The following TVP23B variants were observed in gnomAD, a reference collection of about 807,000 sequenced individuals.
The protein encoded by TVP23B is Golgi apparatus membrane protein TVP23 homolog B.
Under a neutral mutation model 30.6 loss-of-function variants are expected in TVP23B, and 10 were observed. The observed-to-expected ratio is 0.33, with a 90% confidence interval of 0.20 to 0.55. TVP23B has a LOEUF of 0.55. Ranked by LOEUF, TVP23B falls within the 20% of genes least tolerant of loss-of-function variation. The pLI, the probability that TVP23B is intolerant of heterozygous loss-of-function variation, is 0.91. For synonymous variants in TVP23B, 67 were observed against 83.1 expected (o/e 0.81, Z 1.06); for missense variants, 153 against 243.2 (o/e 0.63, Z 2.47).
chr17:18,790,231 G>A (rs1175796908), intron 2 of TVP23B, among the ~76,000 whole-genome samples: 3 of 152,132 alleles, frequency 2.0e-5, no homozygotes, highest in Non-Finnish European at 2.9e-5. Context: ...TTGGGAGGCC[G>A]AGGCAGGTGG....
intron 5 of TVP23B, chr17:18,799,156 T>A (rs2151850449): frequency 4.7e-6 from 1 of 211,790 alleles, no homozygotes; most frequent in South Asian, 1.3e-4. Flanking sequence ...GTTTTCTAGA[T>A]TATTAGTGGT....
intron 5 of TVP23B, among the ~76,000 whole-genome samples, chr17:18,801,749 C>T (rs1404601064): frequency 1.3e-5 from 2 of 151,896 alleles, no homozygotes; most frequent in Admixed American, 6.6e-5. Flanking sequence ...TTCCTTAAAA[C>T]AAAACAGGGA....
At chr17:18,784,258 C>T (rs1235048763) in intron 1 of TVP23B, among the ~76,000 whole-genome samples, 1 of 152,200 alleles carries the variant, frequency 6.6e-6, no homozygotes, top group Non-Finnish European at 1.5e-5. Context: ...TTTAATTCTT[C>T]CAGTCTCTCT....
intron 5 of TVP23B, among the ~76,000 whole-genome samples, chr17:18,801,101 A>G (rs953579765): frequency 1.2e-4 from 18 of 152,214 alleles, no homozygotes; most frequent in African/African-American, 3.9e-4. Context: ...AACAGTAACT[A>G]TTTTAAGTGC....
chr17:18,791,656 G>A (rs2035996379), intron 3 of TVP23B, among the ~76,000 whole-genome samples: 1 of 151,636 alleles, frequency 6.6e-6, no homozygotes, highest in African/African-American at 2.4e-5. Flanking sequence ...CACACAGGAC[G>A]GCCCCTCTGC....
chr17:18,802,401 C>G (rs1200436304), intron 5 of TVP23B, among the ~76,000 whole-genome samples: 3 of 152,162 alleles, frequency 2.0e-5, no homozygotes, highest in African/African-American at 7.2e-5. Context: ...GGTGGCACCA[C>G]TATGGCCAGC....
At chr17:18,783,435 T>C (rs1365747234) in intron 1 of TVP23B, among the ~76,000 whole-genome samples, 1 of 152,216 alleles carries the variant, frequency 6.6e-6, no homozygotes, top group African/African-American at 2.4e-5. Context: ...ATTTGTGACG[T>C]GAACCTCAGT....
chr17:18,803,018 G>C (rs1304940812), intron 5 of TVP23B, among the ~76,000 whole-genome samples: 2 of 152,192 alleles, frequency 1.3e-5, no homozygotes, highest in Non-Finnish European at 2.9e-5. Context: ...CTTTTACTAG[G>C]AATGTGAAAC....
At chr17:18,799,143 C>T (rs1217065606) in intron 5 of TVP23B, 200 bp downstream of exon 5, 1 of 322,494 alleles carries the variant, frequency 3.1e-6, no homozygotes, top group African/African-American at 2.5e-5. Context: ...CCCCTTCCCA[C>T]CAGTTTTCTA....
chr17:18,796,330 G>A (rs1161523985), intron 3 of TVP23B: 14 of 152,296 alleles, frequency 9.2e-5, no homozygotes, highest in African/African-American at 3.1e-4. Context: ...GAATCACTGA[G>A]GTTGGGAGTT....
In TVP23B at chr17:18,784,384, T is replaced by G. The variant is rs2035868575; in HGVS notation, c.12+3079T>G. 2.0e-5 allele frequency among the ~76,000 whole-genome samples: 3 copies of G among 151,928 alleles called. No individual in the cohort carries two copies. In the South Asian group the frequency reaches 6.2e-4, roughly 32 times the overall value. On this transcript the variant is annotated intron_variant, in intron 1 of 6. Coordinates refer to ENST00000307767, the MANE Select transcript of TVP23B (RefSeq NM_016078.6). ...TGGTCATGGCTGGGTGCAGGGCTCA[T>G]GGCTGTAATCCCAGCACTTTGGGAG...
At chr17:18,802,079 G>A (rs1033751113) in intron 5 of TVP23B, among the ~76,000 whole-genome samples, 25 of 151,974 alleles carry the variant, frequency 1.6e-4, no homozygotes, top group South Asian at 4.2e-4. Context: ...AAAATTAGCC[G>A]GGTGTGGTGG....
In TVP23B at chr17:18,802,853, A is replaced by C. The variant is rs138298290; in HGVS notation, c.463-1285A>C. On this transcript the variant is annotated intron_variant, in intron 5 of 6. Transcript: ENST00000307767. ...GCATGTTGATATATACATACCCAGC[A>C]GTGCCCCATTTGAGAAGCATGGGAA... Among the ~76,000 whole-genome samples, 380 of 152,284 alleles carry C rather than the reference A, an allele frequency of 2.5e-3. 4 individuals are homozygous for C. The highest frequency in any genetic ancestry group is 0.024 in the Admixed American group (366 of 15,282).
At position 18,781,353 on chromosome 17, in the gene TVP23B, C is replaced by T. The variant is rs369359115; in HGVS notation, c.12+48C>T. ...GGAGGGTGGCGGCTCCTGGGACTGG[C>T]TCTGCAGGTTCCGTGGGACTGGAGC... is the stretch of plus-strand genomic sequence containing the variant. On this transcript the variant is annotated intron_variant, in intron 1 of 6. Coordinates refer to ENST00000307767, the MANE Select transcript of TVP23B (RefSeq NM_016078.6). The T allele has an allele frequency of 7.0e-6, 11 of 1,562,416 alleles. No individual in the cohort carries two copies. In the East Asian group the frequency reaches 2.6e-4, roughly 37 times the overall value.
intron 5 of TVP23B, among the ~76,000 whole-genome samples, chr17:18,801,126 T>C (rs2036159695): frequency 6.6e-6 from 1 of 152,242 alleles, no homozygotes; most frequent in Admixed American, 6.5e-5. Flanking sequence ...CTAAGGCTTC[T>C]CTCTGTATTT....
chr17:18,803,322 C>T (rs1203519288), intron 5 of TVP23B, among the ~76,000 whole-genome samples: 2 of 152,196 alleles, frequency 1.3e-5, no homozygotes, highest in African/African-American at 4.8e-5. Context: ...ATTAGAACAG[C>T]AGAGTTGAGT....
At position 18,789,770 on chromosome 17, in the gene TVP23B, A is replaced by G. The variant is rs191709675; in HGVS notation, c.95+335A>G. On this transcript the variant is annotated intron_variant, in intron 2 of 6. Coordinates refer to ENST00000307767, the MANE Select transcript of TVP23B (RefSeq NM_016078.6). ...TTTATTGTGCACATTTCAAAATCAC[A>G]TAACATTTCTATTCTAAATTTAATT... The G allele has an allele frequency of 3.1e-5, 6 of 196,680 alleles. No individual in the cohort carries two copies. The East Asian group carries it at 3.5e-4, about 12-fold the overall frequency. 12.2% of individuals were successfully genotyped at this position (196,680 alleles called of 1,614,324 possible).
intron 3 of TVP23B, chr17:18,795,689 G>A (rs2151848758): frequency 1.3e-5 from 2 of 152,320 alleles, no homozygotes; most frequent in East Asian, 3.9e-4. Flanking sequence ...ATTTCTGATT[G>A]AGTTATATGT....
rs1169231324 is a variant in TVP23B at position 18,793,296 on chromosome 17, TA to T, written c.240+2258del. On this transcript the variant is annotated intron_variant, in intron 3 of 6. Transcript: ENST00000307767. Reference sequence around the variant, plus strand: ...GACAAATTGAGTAAAAAAGGTTAAATAATGGTTTTAAAAATTTAATGGCAAC... The same window carrying T: ...GACAAATTGAGTAAAAAAGGTTAAATATGGTTTTAAAAATTTAATGGCAAC... Among the ~76,000 whole-genome samples the T allele has an allele frequency of 5.3e-5, 8 of 152,062 alleles. No individual in the cohort carries two copies. The East Asian group carries it at 1.4e-3, about 26-fold the overall frequency.
Sources: allele counts gnomAD v4.1 joint callset (sites outside exome capture counted in the v4.1 genomes callset), GRCh38; gene constraint gnomAD v4.1.1; transcripts MANE v1.5; gene names NCBI Gene and HGNC (gene_info 2026-07-23, HGNC 2026-07-21).